Variants in NEURL1B observed in about 807,000 individuals in gnomAD.
NEURL1B encodes the protein neuralized E3 ubiquitin protein ligase 1B.
In NEURL1B, 13 loss-of-function variants were observed where a neutral mutation model predicts 37.4. The ratio of observed to expected loss-of-function variants is 0.35; its 90% CI spans 0.23 to 0.55. The LOEUF (loss-of-function observed/expected upper bound fraction) is 0.55, where lower values mean the gene tolerates loss of function less well. Ranked by LOEUF, NEURL1B falls within the 20% of genes least tolerant of loss-of-function variation. NEURL1B has a pLI of 0.89. For missense variants in NEURL1B, 790 were observed against 879.2 expected (o/e 0.90, Z 1.28); for synonymous variants, 432 against 426.6 (o/e 1.01, Z -0.16).
At chr5:172,672,544 C>CCG (rs1554098450) in intron 2 of NEURL1B, among the ~76,000 whole-genome samples, 4 of 147,218 alleles carry the variant, frequency 2.7e-5, no homozygotes, top group East Asian at 2.1e-4. Flanking sequence ...GAACTCTCCC[C>CCG]CCCCCACTCT....
intron 1 of NEURL1B, among the ~76,000 whole-genome samples, chr5:172,654,989 TTC>T (rs1186533627): frequency 6.6e-6 from 1 of 151,994 alleles, no homozygotes; most frequent in Non-Finnish European, 1.5e-5. Context: ...TTTCTGTCTC[TTC>T]TCTCTCTTTC....
At chr5:172,669,142 C>A (rs1427849724) in intron 1 of NEURL1B, among the ~76,000 whole-genome samples, 2 of 152,152 alleles carry the variant, frequency 1.3e-5, no homozygotes, top group Non-Finnish European at 2.9e-5. Context: ...CATCCACATT[C>A]TCTTTCAGCA....
In NEURL1B at chr5:172,686,858, A is replaced by G; in HGVS notation, c.1601A>G (p.Gln534Arg). Residue 534 changes from glutamine (Q) to arginine (R), a missense_variant, in exon 5 of 5, where the codon CAG (glutamine) becomes CGG (arginine). Physicochemically the swap from Gln to Arg is conservative, Grantham distance 43 (BLOSUM62 1). Around this residue, in one of 3 missense-constraint regions of NEURL1B, gnomAD observed 115 missense variants for 162.6 expected, o/e 0.71. Coordinates refer to ENST00000369800, the MANE Select transcript of NEURL1B (RefSeq NM_001142651.3). The surrounding 1 kb of genome is among the most constrained non-coding windows in gnomAD (Gnocchi z 7.9). ...CHSCGLRLKRQARACCPICRR... is the reference protein window; with the variant it reads ...CHSCGLRLKRRARACCPICRR... The stretch of plus-strand genomic sequence containing the variant: ...AGCTGCGGCCTGCGGCTCAAGCGAC[A>G]GGCCCGGGCCTGCTGCCCCATCTGC... 6.4e-7 allele frequency: 1 copy of G among 1,550,816 alleles called. No individual in the cohort carries two copies. The highest frequency in any genetic ancestry group is 1.2e-5 in the South Asian group (1 of 84,052).
At position 172,641,347 on chromosome 5, in the gene NEURL1B, G is replaced by A. The variant is rs1757454466; in HGVS notation, c.-60G>A. 2.2e-6 allele frequency: 3 copies of A among 1,367,486 alleles called. No individual in the cohort carries two copies. Among genetic ancestry groups the A allele is most frequent in the African/African-American group, 3.0e-5 (2 of 65,894 alleles). 84.7% of individuals were successfully genotyped at this position (1,367,486 alleles called of 1,614,324 possible). A position where few individuals can be genotyped will look rare whatever the true frequency, so the allele number is the denominator to read the frequency against. ...CCCCGGTCCTGGTCCCTGGCCCGCC[G>A]CGTAATTAGCCTCCGCGCGCCCAGA... On this transcript the variant is annotated 5_prime_UTR_variant, in exon 1 of 5. Coordinates refer to ENST00000369800, the MANE Select transcript of NEURL1B (RefSeq NM_001142651.3). This position sits in a 1 kb window ranked among gnomAD's most constrained non-coding sequence, Gnocchi z 6.4.
chr5:172,670,161 C>G lies in NEURL1B; in HGVS notation c.408C>G (p.Asn136Lys), dbSNP rs1164867847. The G allele has an allele frequency of 6.7e-7, 1 of 1,497,402 alleles. No homozygotes were observed. Among genetic ancestry groups the G allele is most frequent in the Non-Finnish European group, 8.9e-7 (1 of 1,129,478 alleles). 92.8% of individuals were successfully genotyped at this position (1,497,402 alleles called of 1,614,324 possible). A position where few individuals can be genotyped will look rare whatever the true frequency, so the allele number is the denominator to read the frequency against. The change falls in exon 2 of 5, where the codon AAC becomes AAG. Residue 136 changes from asparagine (N) to lysine (K), a missense_variant. Coordinates refer to ENST00000369800, the MANE Select transcript of NEURL1B (RefSeq NM_001142651.3). ...ACTGGGCCAAGGCACTGCCCGAGAA[C>G]CTGGCGCTGCGCGACACGGTGCTGG... ...PGYWAKALPE[N>K]LALRDTVLAY...
chr5:172,679,151 A>G (rs1758297573), intron 2 of NEURL1B, among the ~76,000 whole-genome samples: 1 of 152,264 alleles, frequency 6.6e-6, no homozygotes, highest in Non-Finnish European at 1.5e-5. Flanking sequence ...GAGCTGAACG[A>G]CAACAGCAGC....
Position 172,647,901 on chromosome 5 carries a change from T to C in NEURL1B, c.31+6464T>C, listed in dbSNP as rs1757589505. 6.6e-6 allele frequency among the ~76,000 whole-genome samples: 1 copy of C among 151,968 alleles called. No individual in the cohort carries two copies. The highest frequency in any genetic ancestry group is 2.1e-4 in the South Asian group (1 of 4,820). ...CCATGCTGACACCCCCAGCCCCCAA[T>C]GGCAAGCATCACAGTGCTCCCAATA... On this transcript the variant is annotated intron_variant, in intron 1 of 4. Transcript: ENST00000369800. This position sits in a 1 kb window ranked among gnomAD's most constrained non-coding sequence, Gnocchi z 4.2.
At position 172,641,902 on chromosome 5, in the gene NEURL1B, C is replaced by A. The variant is rs1308611359; in HGVS notation, c.31+465C>A. Among the ~76,000 whole-genome samples, 1 of 152,120 alleles carries A rather than the reference C, an allele frequency of 6.6e-6. No homozygotes were observed. The highest frequency in any genetic ancestry group is 1.9e-4 in the East Asian group (1 of 5,172). On this transcript the variant is annotated intron_variant, in intron 1 of 4. Transcript: ENST00000369800. The surrounding 1 kb of genome is among the most constrained non-coding windows in gnomAD (Gnocchi z 6.4). Reference sequence around the variant, plus strand: ...GGCACCCCAGTTTCCAGCCTCCCAGCGCCCCCGCGGCACATGCTGCCGTGC... The same window carrying A: ...GGCACCCCAGTTTCCAGCCTCCCAGAGCCCCCGCGGCACATGCTGCCGTGC...
In NEURL1B at chr5:172,676,683, A is replaced by C. The variant is rs1394055963; in HGVS notation, c.577+6353A>C. ...GGCCTTGGAAAGGTGTCATTTGCCC[A>C]GCTTGGAAGCACTGAGATCCCTTGT... On this transcript the variant is annotated intron_variant, in intron 2 of 4. Coordinates refer to ENST00000369800, the MANE Select transcript of NEURL1B (RefSeq NM_001142651.3). This position sits in a 1 kb window ranked among gnomAD's most constrained non-coding sequence, Gnocchi z 4.5. Among the ~76,000 whole-genome samples, 2 of 152,228 alleles carry C rather than the reference A, an allele frequency of 1.3e-5. No individual in the cohort carries two copies. Among genetic ancestry groups the C allele is most frequent in the Non-Finnish European group, 2.9e-5 (2 of 68,030 alleles).
At chr5:172,651,354 AT>A (rs1236489695) in intron 1 of NEURL1B, among the ~76,000 whole-genome samples, 1 of 152,224 alleles carries the variant, frequency 6.6e-6, no homozygotes, top group Non-Finnish European at 1.5e-5. Context: ...CCTGACAAGA[AT>A]AAGTGCACCT....
At chr5:172,662,271 G>C (rs923140850) in intron 1 of NEURL1B, 1 of 154,218 alleles carries the variant, frequency 6.5e-6, no homozygotes, top group Non-Finnish European at 1.5e-5. Flanking sequence ...GAGAAGTTAA[G>C]TACGGACCTC....
chr5:172,667,879 C>T lies in NEURL1B; in HGVS notation c.32-1906C>T, dbSNP rs530896245. 2.1e-3 allele frequency among the ~76,000 whole-genome samples: 252 copies of T among 120,034 alleles called. 1 individual carries two copies. The highest frequency in any genetic ancestry group is 7.5e-3 in the African/African-American group (233 of 31,164). 78.7% of individuals were successfully genotyped at this position (120,034 alleles called of 152,430 possible). A position where few individuals can be genotyped will look rare whatever the true frequency, so the allele number is the denominator to read the frequency against. On this transcript the variant is annotated intron_variant, in intron 1 of 4. Coordinates refer to ENST00000369800, the MANE Select transcript of NEURL1B (RefSeq NM_001142651.3). The stretch of plus-strand genomic sequence containing the variant: ...CCCCAGCTCTGATCTCATTTCTACC[C>T]GCTTCCCTCCTTGCTCCCACCATTC...
In NEURL1B at chr5:172,648,426, G is replaced by A. The variant is rs182621656; in HGVS notation, c.31+6989G>A. Among the ~76,000 whole-genome samples the A allele has an allele frequency of 3.9e-4, 59 of 152,334 alleles. 1 individual carries two copies. Among genetic ancestry groups the A allele is most frequent in the Admixed American group, 3.3e-4 (5 of 15,308 alleles). ...ACCACTAACTTGTATCACGTAGCCC[G>A]TCTGTGCCAGACAGTGTTCTCAGCA... On this transcript the variant is annotated intron_variant, in intron 1 of 4. Coordinates refer to ENST00000369800, the MANE Select transcript of NEURL1B (RefSeq NM_001142651.3).
chr5:172,684,009 C>T lies in NEURL1B; in HGVS notation c.1168C>T (p.Pro390Ser). 7.5e-7 allele frequency: 1 copy of T among 1,334,132 alleles called. No individual in the cohort carries two copies. Among genetic ancestry groups the T allele is most frequent in the Non-Finnish European group, 9.6e-7 (1 of 1,040,018 alleles). The allele number at this position is 1,334,132 out of a possible 1,614,324, so 82.6% of individuals were successfully genotyped here. A position where few individuals can be genotyped will look rare whatever the true frequency, so the allele number is the denominator to read the frequency against. The stretch of plus-strand genomic sequence containing the variant: ...CGACGCGCTCAGCTTCACGCTGCGG[C>T]CCGGCGGCGACGTGCTCCTGGGCAT... ...GGDALSFTLR[P>S]GGDVLLGING... Residue 390 changes from proline to serine, a missense_variant, in exon 3 of 5, where the codon CCC (proline) becomes TCC (serine). This residue lies in a region of NEURL1B where 460 missense variants were observed against 407.4 expected (regional missense o/e 1.13). Transcript: ENST00000369800.
At chr5:172,677,153 G>A (rs2113319101) in intron 2 of NEURL1B, among the ~76,000 whole-genome samples, 1 of 152,230 alleles carries the variant, frequency 6.6e-6, no homozygotes, top group South Asian at 2.1e-4. Context: ...TTCAGGCAGA[G>A]CCCCAGTGGG....
intron 2 of NEURL1B, among the ~76,000 whole-genome samples, chr5:172,678,483 C>A (rs1169479401): frequency 1.3e-5 from 2 of 152,210 alleles, no homozygotes; most frequent in African/African-American, 4.8e-5. Context: ...TTGAATCCCC[C>A]ACCTCCTGCT....
Position 172,687,269 on chromosome 5 carries a change from A to G in NEURL1B, c.*344A>G. ...GTTGAGTGTGAGAGAAGGGGAGGGG[A>G]GGGAGGGAGAACAGAGAGAATGTGT... On this transcript the variant is annotated 3_prime_UTR_variant, in exon 5 of 5. Transcript: ENST00000369800. The G allele has an allele frequency of 5.9e-6, 1 of 168,736 alleles. No individual in the cohort carries two copies. 10.5% of individuals were successfully genotyped at this position (168,736 alleles called of 1,614,324 possible).
At position 172,657,511 on chromosome 5, in the gene NEURL1B, T is replaced by C. The variant is rs571240302; in HGVS notation, c.32-12274T>C. 1.3e-5 allele frequency among the ~76,000 whole-genome samples: 2 copies of C among 152,176 alleles called. No homozygotes were observed. Among genetic ancestry groups the C allele is most frequent in the Non-Finnish European group, 2.9e-5 (2 of 68,024 alleles). On this transcript the variant is annotated intron_variant, in intron 1 of 4. Coordinates refer to ENST00000369800, the MANE Select transcript of NEURL1B (RefSeq NM_001142651.3). This position sits in a 1 kb window ranked among gnomAD's most constrained non-coding sequence, Gnocchi z 4.0. ...GCTTTTAATATTACTCTTTGTTGCATTACTAATATAACCTAGGAATAACCG... is the reference window on the plus strand; with the variant it reads ...GCTTTTAATATTACTCTTTGTTGCACTACTAATATAACCTAGGAATAACCG...
intron 1 of NEURL1B, among the ~76,000 whole-genome samples, chr5:172,648,790 A>G (rs1158516656): frequency 6.6e-6 from 1 of 152,188 alleles, no homozygotes; most frequent in African/African-American, 2.4e-5. Flanking sequence ...ACCTCTAGGC[A>G]TGGCAGGGTG....
Sources: allele counts gnomAD v4.1 joint callset (sites outside exome capture counted in the v4.1 genomes callset), GRCh38; gene constraint gnomAD v4.1.1; regional missense constraint gnomAD v4.1.1; non-coding constraint Gnocchi (gnomAD v3.1); transcripts MANE v1.5; gene names NCBI Gene and HGNC (gene_info 2026-07-23, HGNC 2026-07-21).